Variants in GRIP1 observed in about 807,000 individuals in gnomAD.
GRIP1 encodes glutamate receptor-interacting protein 1.
In GRIP1, 45 loss-of-function variants were observed where a neutral mutation model predicts 129.9. That is an observed-to-expected ratio of 0.35 (90% CI 0.27 to 0.44). The LOEUF (loss-of-function observed/expected upper bound fraction) is 0.44, where lower values mean the gene tolerates loss of function less well. Ranked by LOEUF, GRIP1 falls within the 20% of genes least tolerant of loss-of-function variation. The probability of loss-of-function intolerance (pLI) is 1.00; values close to 1 mark genes in which losing one functional copy is unlikely to be tolerated. For synonymous variants in GRIP1, 530 were observed against 520.8 expected, an observed-to-expected ratio of 1.02 and a Z score of -0.24; for missense variants, 1,196 against 1,396.8, an observed-to-expected ratio of 0.86 and a Z score of 2.29.
chr12:66,500,299 ATACTC>A (rs1295251043), intron 7 of GRIP1, among the ~76,000 whole-genome samples: 2 of 152,210 alleles, frequency 1.3e-5, no homozygotes, highest in African/African-American at 4.8e-5. Context: ...TTTAATCACA[ATACTC>A]TATTGTCTCC....
chr12:66,580,498 G>C (rs939013983), intron 2 of GRIP1, among the ~76,000 whole-genome samples: 3 of 152,168 alleles, frequency 2.0e-5, no homozygotes, highest in African/African-American at 7.2e-5. Flanking sequence ...TCAGTGTGTT[G>C]TACTCAGGAA....
chr12:66,780,240 C>T (rs1456636035), intron 1 of GRIP1, among the ~76,000 whole-genome samples: 2 of 152,106 alleles, frequency 1.3e-5, no homozygotes, highest in Admixed American at 6.6e-5. Context: ...AGTGTTTGTG[C>T]AAGAGAAAGC....
chr12:66,986,785 A>G (rs2042318636), intron 1 of GRIP1, among the ~76,000 whole-genome samples: 1 of 150,772 alleles, frequency 6.6e-6, no homozygotes, highest in South Asian at 2.1e-4. Context: ...ATATGTAACT[A>G]ACCTGCACAT....
intron 1 of GRIP1, among the ~76,000 whole-genome samples, chr12:66,632,645 C>T (rs1248551035): frequency 6.6e-6 from 1 of 152,130 alleles, no homozygotes; most frequent in African/African-American, 2.4e-5. Context: ...ATTCTTTGGT[C>T]TCATGTTGAG....
intron 23 of GRIP1, 123 bp downstream of exon 23, chr12:66,371,571 T>C: frequency 1.3e-6 from 1 of 743,002 alleles, no homozygotes; most frequent in Non-Finnish European, 2.5e-6. Flanking sequence ...GATCTGTTTT[T>C]AAGCTTCTTT....
intron 1 of GRIP1, among the ~76,000 whole-genome samples, chr12:66,990,946 C>T (rs1474210373): frequency 2.2e-4 from 30 of 137,790 alleles, no homozygotes; most frequent in Non-Finnish European, 1.6e-5. Context: ...CATTACGCTC[C>T]AGCCTGGGCA....
chr12:66,359,326 T>C (rs1281996022), intron 23 of GRIP1, among the ~76,000 whole-genome samples: 2 of 152,208 alleles, frequency 1.3e-5, no homozygotes, highest in East Asian at 3.9e-4. Flanking sequence ...GAGGAAACAT[T>C]TGGTGTGGGC....
Position 66,456,273 on chromosome 12 carries a change from G to C in GRIP1, c.1112C>G (p.Thr371Ser). Residue 371 changes from threonine to serine, a missense_variant, in exon 10 of 25, where the codon ACC becomes AGC. Coordinates refer to ENST00000359742, the MANE Select transcript of GRIP1 (RefSeq NM_001366722.1). The part of the protein sequence containing the change: ...SWASNHSSLH[T>S]NHHYNTYHPD... ...GTGGTACGTGTTATAGTGATGGTTG[G>C]TGTGAAGGCTGCTGTGGTTGCTGGC... 1.6e-6 allele frequency: 2 copies of C among 1,289,322 alleles called. No homozygotes were observed. The highest frequency in any genetic ancestry group is 2.0e-6 in the Non-Finnish European group (2 of 988,178). The allele number at this position is 1,289,322 out of a possible 1,614,324, so 79.9% of individuals were successfully genotyped here.
intron 1 of GRIP1, among the ~76,000 whole-genome samples, chr12:66,985,043 C>T (rs2042291550): frequency 6.6e-6 from 1 of 152,184 alleles, no homozygotes. Context: ...TTGATGCTTG[C>T]TGCTAGGTAG....
intron 1 of GRIP1, among the ~76,000 whole-genome samples, chr12:66,856,393 G>A (rs548320233): frequency 5.9e-5 from 9 of 152,230 alleles, no homozygotes; most frequent in East Asian, 3.9e-4. Context: ...AAACTAAAGA[G>A]CTTCTGCACA....
At chr12:66,583,976 T>C (rs1020799430) in intron 2 of GRIP1, among the ~76,000 whole-genome samples, 4 of 139,974 alleles carry the variant, frequency 2.9e-5, no homozygotes, top group Middle Eastern at 3.6e-3. Context: ...TATTGCGGCA[T>C]TATTCACAAT....
At chr12:66,432,019 G>C (rs2058162208) in intron 14 of GRIP1, among the ~76,000 whole-genome samples, 1 of 152,024 alleles carries the variant, frequency 6.6e-6, no homozygotes, top group Non-Finnish European at 1.5e-5. Flanking sequence ...GGACAGATGG[G>C]AAGATAGTCT....
At chr12:67,031,878 G>C (rs918671722) in intron 1 of GRIP1, among the ~76,000 whole-genome samples, 1 of 151,882 alleles carries the variant, frequency 6.6e-6, no homozygotes, top group Admixed American at 6.6e-5. Context: ...ATTTCCAACT[G>C]CTTCCCATTG....
At position 66,834,092 on chromosome 12, in the gene GRIP1, C is replaced by T. The variant is rs142170976; in HGVS notation, c.58+234958G>A. On this transcript the variant is annotated intron_variant, in intron 1 of 1. Coordinates refer to the GRIP1 transcript ENST00000643019. Reference sequence around the variant, plus strand: ...ACTCCGGAGTCTGAGGAAGGAGAATCGTTTGAACATGGGAGATGGAAGTTG... The same window carrying T: ...ACTCCGGAGTCTGAGGAAGGAGAATTGTTTGAACATGGGAGATGGAAGTTG... Among the ~76,000 whole-genome samples the T allele has an allele frequency of 4.5e-3, 632 of 141,554 alleles. 5 individuals carry two copies. Among genetic ancestry groups the T allele is most frequent in the African/African-American group, 0.016 (599 of 38,186 alleles). The allele number at this position is 141,554 out of a possible 152,430, so 92.9% of individuals were successfully genotyped here. A position where few individuals can be genotyped will look rare whatever the true frequency, so the allele number is the denominator to read the frequency against.
At chr12:66,613,677 A>G (rs2064913016) in intron 1 of GRIP1, among the ~76,000 whole-genome samples, 1 of 152,104 alleles carries the variant, frequency 6.6e-6, no homozygotes, top group Non-Finnish European at 1.5e-5. Context: ...AAAGATGATT[A>G]CTCTTGGGTA....
intron 1 of GRIP1, among the ~76,000 whole-genome samples, chr12:66,878,939 C>T (rs140487935): frequency 3.3e-4 from 50 of 151,772 alleles, no homozygotes; most frequent in South Asian, 3.1e-3. Flanking sequence ...AGATGGTGAA[C>T]GACTTACAGA....
chr12:66,974,013 C>T (rs935291456), intron 1 of GRIP1, among the ~76,000 whole-genome samples: 6 of 151,110 alleles, frequency 4.0e-5, no homozygotes, highest in Admixed American at 2.0e-4. Flanking sequence ...ACCTCCGCCT[C>T]CCTGGTTCAA....
intron 1 of GRIP1, among the ~76,000 whole-genome samples, chr12:66,624,114 C>T (rs1287864626): frequency 6.6e-6 from 1 of 152,120 alleles, no homozygotes; most frequent in Non-Finnish European, 1.5e-5. Context: ...GTATCTTTCC[C>T]ACCTAAACAG....
chr12:66,709,441 A>T (rs903283298), intron 1 of GRIP1, among the ~76,000 whole-genome samples: 1 of 151,966 alleles, frequency 6.6e-6, no homozygotes, highest in Non-Finnish European at 1.5e-5. Flanking sequence ...GTTGTTTTTC[A>T]TCCTTTTCGT....
Sources: allele counts gnomAD v4.1 joint callset (sites outside exome capture counted in the v4.1 genomes callset), GRCh38; gene constraint gnomAD v4.1.1; transcripts MANE v1.5; gene names NCBI Gene and HGNC (gene_info 2026-07-23, HGNC 2026-07-21).